LIN52: variants seen among roughly 807,000 people sequenced by gnomAD.
LIN52 encodes the protein protein lin-52 homolog.
A neutral mutation model predicts 18.5 loss-of-function variants in LIN52; 4 were observed. That is an observed-to-expected ratio of 0.22 (90% CI 0.11 to 0.49). The LOEUF (loss-of-function observed/expected upper bound fraction) is 0.49, where lower values mean the gene tolerates loss of function less well. LIN52 is among the 20% of genes least tolerant of loss of function. The pLI is 0.97. For synonymous variants in LIN52, 34 were observed against 45.5 expected, an observed-to-expected ratio of 0.75 and a Z score of 1.02; for missense variants, 102 against 139.5, an observed-to-expected ratio of 0.73 and a Z score of 1.35.
At chr14:74,148,652 A>G (rs1233713616) in intron 5 of LIN52, among the ~76,000 whole-genome samples, 1 of 152,234 alleles carries the variant, frequency 6.6e-6, no homozygotes, top group Non-Finnish European at 1.5e-5. Flanking sequence ...AGTATTTTAT[A>G]TAGCAGTTGC....
intron 5 of LIN52, among the ~76,000 whole-genome samples, chr14:74,137,866 C>CG (rs2061107342): frequency 6.6e-6 from 1 of 152,124 alleles, no homozygotes; most frequent in Admixed American, 6.5e-5. Context: ...ACTCAAATGA[C>CG]TATCATTTTC....
At chr14:74,164,561 C>T (rs963429355) in intron 5 of LIN52, among the ~76,000 whole-genome samples, 2 of 152,200 alleles carry the variant, frequency 1.3e-5, no homozygotes, top group Non-Finnish European at 2.9e-5. Context: ...GCTGGGATTA[C>T]AGGTGTGAGC....
rs193166491 is a variant in LIN52, at chr14:74,096,458, A to T, written c.132+473A>T. On this transcript the variant is annotated intron_variant, in intron 3 of 5. Coordinates refer to ENST00000555028, the MANE Select transcript of LIN52 (RefSeq NM_001024674.3). ...TCCTCCTGCTCCAGCCTCCCATAGC[A>T]TTAGGATTACAGGTGTGAGCCAATG... Among the ~76,000 whole-genome samples, 45 of 150,584 alleles carry T rather than the reference A, an allele frequency of 3.0e-4. No homozygotes were observed. In the East Asian group the frequency reaches 5.9e-3, roughly 20 times the overall value.
At chr14:74,175,749 CA>C (rs879784039) in intron 5 of LIN52, among the ~76,000 whole-genome samples, 2,039 of 75,108 alleles carry the variant, frequency 0.027, 13 homozygotes, top group Middle Eastern at 0.097. Context: ...CACACACACA[CA>C]CCCCCATTAT....
intron 5 of LIN52, among the ~76,000 whole-genome samples, chr14:74,118,736 T>TG (rs1010715653): frequency 9.9e-5 from 15 of 152,258 alleles, no homozygotes; most frequent in African/African-American, 3.1e-4. Context: ...ATCACACCAT[T>TG]GTACTCCAGC....
At chr14:74,104,675 A>G (rs1268742781) in intron 5 of LIN52, among the ~76,000 whole-genome samples, 3 of 151,588 alleles carry the variant, frequency 2.0e-5, no homozygotes, top group Non-Finnish European at 4.4e-5. Context: ...TTGTGATACT[A>G]AGATTAATAG....
At chr14:74,165,085 A>G (rs538069016) in intron 5 of LIN52, among the ~76,000 whole-genome samples, 12 of 152,178 alleles carry the variant, frequency 7.9e-5, no homozygotes, top group Non-Finnish European at 8.8e-5. Flanking sequence ...CTCAGGGAAA[A>G]CAAAAAAAAA....
chr14:74,184,740 G>T (rs183244411), intron 5 of LIN52, among the ~76,000 whole-genome samples: 166 of 152,246 alleles, frequency 1.1e-3, no homozygotes, highest in African/African-American at 4.0e-3. Context: ...CTTTTCATCT[G>T]TCAATTTTCA....
chr14:74,106,300 A>G (rs1359857442), intron 5 of LIN52, among the ~76,000 whole-genome samples: 1 of 151,968 alleles, frequency 6.6e-6, no homozygotes, highest in East Asian at 1.9e-4. Flanking sequence ...TTTTGAGACA[A>G]GGTCTCTCAT....
At chr14:74,186,036 C>A (rs1221756166) in intron 5 of LIN52, among the ~76,000 whole-genome samples, 1 of 152,166 alleles carries the variant, frequency 6.6e-6, no homozygotes. Flanking sequence ...TGCTTGTAAT[C>A]ACAGCACTTT....
intron 5 of LIN52, chr14:74,114,069 C>A: frequency 1.1e-6 from 1 of 884,502 alleles, no homozygotes; most frequent in Non-Finnish European, 1.4e-6. Flanking sequence ...CAACCCCTAC[C>A]TCCCGGGCTC....
chr14:74,099,626 CTG>C (rs1217072846), intron 4 of LIN52, among the ~76,000 whole-genome samples: 1 of 144,138 alleles, frequency 6.9e-6, no homozygotes, highest in East Asian at 2.1e-4. Flanking sequence ...GTGCAAGAGA[CTG>C]GAGTTTTTTT....
chr14:74,199,170 A>G lies in LIN52; in HGVS notation c.*193A>G. On this transcript the variant is annotated 3_prime_UTR_variant, in exon 6 of 6. Transcript: ENST00000555028. ...GCAAGAGAAGAATCTGCTCTACCCA[A>G]GGATCATTGCAGTTACTCAATCAAC... 4.0e-6 allele frequency: 2 copies of G among 496,112 alleles called. No individual in the cohort carries two copies. The highest frequency in any genetic ancestry group is 7.0e-5 in the South Asian group (2 of 28,602). 30.7% of individuals were successfully genotyped at this position (496,112 alleles called of 1,614,324 possible). A position where few individuals can be genotyped will look rare whatever the true frequency, so the allele number is the denominator to read the frequency against.
rs149862578 is a variant in LIN52 at position 74,123,680 on chromosome 14, A to G, written c.283+22442A>G. ...AAGACGGTCCCCAGTGATCCCTGCT[A>G]CTAGTGTGCCCTTGTTTAATCATCT... On this transcript the variant is annotated intron_variant, in intron 5 of 5. Coordinates refer to ENST00000555028, the MANE Select transcript of LIN52 (RefSeq NM_001024674.3). Among the ~76,000 whole-genome samples the G allele has an allele frequency of 2.0e-3, 304 of 152,290 alleles. 1 individual carries two copies. Among genetic ancestry groups the G allele is most frequent in the African/African-American group, 7.1e-3 (295 of 41,574 alleles).
At chr14:74,124,860 A>T (rs2139928873) in intron 5 of LIN52, among the ~76,000 whole-genome samples, 1 of 151,284 alleles carries the variant, frequency 6.6e-6, no homozygotes, top group African/African-American at 2.4e-5. Context: ...TAAAGAAGTG[A>T]CCATGGGTTT....
intron 5 of LIN52, among the ~76,000 whole-genome samples, chr14:74,140,073 A>G (rs1261945488): frequency 6.4e-5 from 8 of 124,654 alleles, no homozygotes; most frequent in Non-Finnish European, 1.2e-4. Flanking sequence ...TTAACTCCTA[A>G]GAACACTTCA....
At chr14:74,131,066 TG>T (rs1396355985) in intron 5 of LIN52, among the ~76,000 whole-genome samples, 1 of 151,662 alleles carries the variant, frequency 6.6e-6, no homozygotes, top group Non-Finnish European at 1.5e-5. Context: ...GGATTACAGG[TG>T]TGAGCCACGT....
chr14:74,176,292 A>C (rs1035496773), intron 5 of LIN52, among the ~76,000 whole-genome samples: 1 of 152,048 alleles, frequency 6.6e-6, no homozygotes, highest in African/African-American at 2.4e-5. Context: ...TTCTATTTTT[A>C]GTAGAGACGG....
Position 74,101,148 on chromosome 14 carries a change from G to A in LIN52, c.200-7G>A, listed in dbSNP as rs114005617. 1.2e-3 allele frequency: 1,855 copies of A among 1,608,324 alleles called. 18 individuals are homozygous for A. The African/African-American group carries it at 0.022, about 19-fold the overall frequency. On this transcript the variant is annotated splice_region_variant and splice_polypyrimidine_tract_variant and intron_variant, in intron 4 of 5. Coordinates refer to ENST00000555028, the MANE Select transcript of LIN52 (RefSeq NM_001024674.3). ...AAATGATGTTGAAATAAATGATTCTGTTTCAGAACTGGGGAGTCTCACCAC... is the reference window on the plus strand; with the variant it reads ...AAATGATGTTGAAATAAATGATTCTATTTCAGAACTGGGGAGTCTCACCAC...
Sources: allele counts gnomAD v4.1 joint callset (sites outside exome capture counted in the v4.1 genomes callset), GRCh38; gene constraint gnomAD v4.1.1; transcripts MANE v1.5; gene names NCBI Gene and HGNC (gene_info 2026-07-23, HGNC 2026-07-21).